FHOD3: variants seen among roughly 807,000 people sequenced by gnomAD.
The protein encoded by FHOD3 is formin homology 2 domain containing 3, also known as FH1/FH2 domain-containing protein 3.
FHOD3 carries 90 observed loss-of-function variants against 173.0 expected under a neutral mutation model. That is an observed-to-expected ratio of 0.52 (90% CI 0.44 to 0.62). The LOEUF (loss-of-function observed/expected upper bound fraction) is 0.62. Ranked by LOEUF, FHOD3 falls within the 20% of genes least tolerant of loss-of-function variation. The probability of loss-of-function intolerance (pLI) is 0.00; values close to 1 mark genes in which losing one functional copy is unlikely to be tolerated. For synonymous variants in FHOD3, 828 were observed against 823.0 expected (o/e 1.01, Z -0.10); for missense variants, 1,945 against 2,034.7 (o/e 0.96, Z 0.85).
chr18:36,402,504 T>TACACAC (rs1260547836), intron 3 of FHOD3, among the ~76,000 whole-genome samples: 1 of 102,576 alleles, frequency 9.7e-6, no homozygotes, highest in African/African-American at 3.7e-5. Context: ...GTGATGCAAT[T>TACACAC]ATACACACAC....
chr18:36,697,531 A>C (rs540659919), intron 17 of FHOD3, among the ~76,000 whole-genome samples: 1 of 152,128 alleles, frequency 6.6e-6, no homozygotes, highest in African/African-American at 2.4e-5. Flanking sequence ...ATGCCACACT[A>C]TATTATTTTT....
chr18:36,361,685 CAA>C (rs539956783), intron 2 of FHOD3, among the ~76,000 whole-genome samples: 9 of 66,892 alleles, frequency 1.3e-4, no homozygotes, highest in Non-Finnish European at 1.4e-4. Flanking sequence ...GACTCCGTCT[CAA>C]AAAAAAAAAA....
chr18:36,362,540 CAG>C (rs998918675), intron 2 of FHOD3, among the ~76,000 whole-genome samples: 5 of 152,244 alleles, frequency 3.3e-5, no homozygotes, highest in African/African-American at 1.2e-4. Context: ...GCTGGGGACC[CAG>C]GTGAGAAGGC....
intron 1 of FHOD3, among the ~76,000 whole-genome samples, chr18:36,317,507 G>A (rs1424131412): frequency 2.6e-5 from 4 of 152,132 alleles, no homozygotes; most frequent in African/African-American, 7.2e-5. Flanking sequence ...ATGTCTGTTG[G>A]CTGCATAAAT....
intron 15 of FHOD3, among the ~76,000 whole-genome samples, chr18:36,686,019 G>A (rs1221550557): frequency 6.6e-6 from 1 of 152,098 alleles, no homozygotes; most frequent in African/African-American, 2.4e-5. Flanking sequence ...GGAATCCTGG[G>A]TTGTCACTGT....
intron 14 of FHOD3, among the ~76,000 whole-genome samples, chr18:36,673,607 G>C (rs2037669244): frequency 6.6e-6 from 1 of 152,156 alleles, no homozygotes; most frequent in Non-Finnish European, 1.5e-5. Flanking sequence ...CAAAGAAATG[G>C]CTGGAGACTA....
chr18:36,747,054 A>G lies in FHOD3; in HGVS notation c.4151A>G (p.Lys1384Arg), dbSNP rs1339152858. The G allele has an allele frequency of 7.4e-6, 12 of 1,614,090 alleles. No homozygotes were observed. Among genetic ancestry groups the G allele is most frequent in the Non-Finnish European group, 1.0e-5 (12 of 1,180,046 alleles). The change falls in exon 24 of 29, where the codon AAA (lysine) becomes AGA (arginine). Residue 1384 changes from lysine (K) to arginine (R), a missense_variant. Physicochemically the swap from Lys to Arg is conservative, Grantham distance 26. Around this residue, in one of 5 missense-constraint regions of FHOD3, gnomAD observed 354 missense variants for 359.9 expected, o/e 0.98. Transcript: ENST00000590592. ...IAKHEMKPVL[K>R]QRMSEFLKDC... ...AAACATGAAATGAAACCAGTTTTAA[A>G]ACAACGGATGTCAGAGTTCCTGAAA...
intron 3 of FHOD3, among the ~76,000 whole-genome samples, chr18:36,421,171 G>A (rs1435841792): frequency 1.3e-5 from 2 of 152,168 alleles, no homozygotes; most frequent in Non-Finnish European, 2.9e-5. Flanking sequence ...GTGCTCCTGG[G>A]CATGTTTCAA....
chr18:36,446,599 C>T (rs1381143445), intron 3 of FHOD3, among the ~76,000 whole-genome samples: 1 of 152,020 alleles, frequency 6.6e-6, no homozygotes, highest in Non-Finnish European at 1.5e-5. Context: ...GAGAGAATTG[C>T]GGGAGGAGCT....
At chr18:36,553,682 A>G (rs1397667890) in intron 5 of FHOD3, among the ~76,000 whole-genome samples, 1 of 152,188 alleles carries the variant, frequency 6.6e-6, no homozygotes, top group African/African-American at 2.4e-5. Context: ...AGAAACTACC[A>G]TCAGAGTAAA....
intron 3 of FHOD3, among the ~76,000 whole-genome samples, chr18:36,381,217 C>T (rs549852501): frequency 9.2e-5 from 14 of 152,258 alleles, no homozygotes; most frequent in South Asian, 4.2e-4. Flanking sequence ...GATGGTGTTC[C>T]GGCTGAGTTC....
At chr18:36,687,617 G>A (rs2038709618) in intron 16 of FHOD3, among the ~76,000 whole-genome samples, 1 of 152,070 alleles carries the variant, frequency 6.6e-6, no homozygotes, top group African/African-American at 2.4e-5. Flanking sequence ...TCACTTACCT[G>A]TCTCCCTACT....
intron 1 of FHOD3, among the ~76,000 whole-genome samples, chr18:36,320,408 C>CATACA (rs1231322882): frequency 1.3e-5 from 2 of 152,200 alleles, no homozygotes; most frequent in Non-Finnish European, 2.9e-5. Context: ...TTCCTGGACA[C>CATACA]ATACACCCTC....
intron 18 of FHOD3, 27 bp downstream of exon 18, chr18:36,709,418 G>A (rs764637026): frequency 3.1e-6 from 5 of 1,595,064 alleles, no homozygotes; most frequent in Non-Finnish European, 1.7e-6. Context: ...GTTTCAGTCG[G>A]CATGTGCCAG....
At chr18:36,679,793 A>T (rs2038115404) in intron 14 of FHOD3, among the ~76,000 whole-genome samples, 1 of 152,136 alleles carries the variant, frequency 6.6e-6, no homozygotes, top group Non-Finnish European at 1.5e-5. Context: ...GAGCTTTGTG[A>T]CACAATTGAT....
intron 18 of FHOD3, chr18:36,710,207 TG>T (rs1369377151): frequency 6.6e-6 from 1 of 152,344 alleles, no homozygotes; most frequent in East Asian, 1.9e-4. Flanking sequence ...ATATGATCTG[TG>T]ACACCACAGG....
intron 3 of FHOD3, among the ~76,000 whole-genome samples, chr18:36,389,252 T>G (rs1456647469): frequency 6.6e-6 from 1 of 152,186 alleles, no homozygotes; most frequent in African/African-American, 2.4e-5. Flanking sequence ...GTACATTTCC[T>G]TTTTTCCTTT....
At chr18:36,373,048 CT>C (rs1412512997) in intron 3 of FHOD3, among the ~76,000 whole-genome samples, 1 of 152,122 alleles carries the variant, frequency 6.6e-6, no homozygotes, top group Non-Finnish European at 1.5e-5. Flanking sequence ...GCACATTGAC[CT>C]GATCTTCACG....
At chr18:36,323,574 A>G (rs1415241992) in intron 1 of FHOD3, among the ~76,000 whole-genome samples, 1 of 152,124 alleles carries the variant, frequency 6.6e-6, no homozygotes, top group African/African-American at 2.4e-5. Context: ...TCACCAGATT[A>G]CCTTTCAGTT....
Sources: allele counts gnomAD v4.1 joint callset (sites outside exome capture counted in the v4.1 genomes callset), GRCh38; gene constraint gnomAD v4.1.1; regional missense constraint gnomAD v4.1.1; transcripts MANE v1.5; gene names NCBI Gene and HGNC (gene_info 2026-07-23, HGNC 2026-07-21).